The following CHN1 variants were observed in gnomAD, a reference collection of about 807,000 sequenced individuals.
CHN1 encodes N-chimaerin.
A neutral mutation model predicts 59.5 loss-of-function variants in CHN1; 37 were observed. The observed-to-expected ratio is 0.62, with a 90% CI of 0.48 to 0.82. CHN1 has a LOEUF of 0.82. CHN1 is among the 40% of genes least tolerant of loss of function. The probability of loss-of-function intolerance (pLI) is 0.00; values close to 1 mark genes in which losing one functional copy is unlikely to be tolerated. For missense variants in CHN1, 469 were observed against 571.0 expected, an observed-to-expected ratio of 0.82 and a Z score of 1.82; for synonymous variants, 206 against 200.4, an observed-to-expected ratio of 1.03 and a Z score of -0.24.
At chr2:174,948,671 C>T (rs1167296865) in intron 2 of CHN1, among the ~76,000 whole-genome samples, 3 of 152,172 alleles carry the variant, frequency 2.0e-5, no homozygotes, top group Admixed American at 1.3e-4. Context: ...AACACACTAA[C>T]ATGTAGCAAC....
intron 8 of CHN1, among the ~76,000 whole-genome samples, chr2:174,817,684 C>A (rs1685323813): frequency 6.7e-6 from 1 of 149,330 alleles, no homozygotes; most frequent in Non-Finnish European, 1.5e-5. Context: ...GTCGCCCAGG[C>A]TGGAGTGCAG....
intron 1 of CHN1, among the ~76,000 whole-genome samples, chr2:174,979,154 C>A (rs962566211): frequency 6.6e-6 from 1 of 152,128 alleles, no homozygotes; most frequent in African/African-American, 2.4e-5. Flanking sequence ...GTCGAGGCAT[C>A]ATCATTTACT....
chr2:174,885,099 A>G (rs1239435505), intron 5 of CHN1, among the ~76,000 whole-genome samples: 1 of 151,474 alleles, frequency 6.6e-6, no homozygotes, highest in Non-Finnish European at 1.5e-5. Flanking sequence ...CATCCTGGCT[A>G]ACATGGTGAA....
At position 175,005,305 on chromosome 2, in the gene CHN1, C is replaced by G. The variant is rs1692033814; in HGVS notation, c.-393G>C. The G allele has an allele frequency of 8.4e-7, 1 of 1,196,390 alleles. No individual in the cohort carries two copies. The highest frequency in any genetic ancestry group is 1.6e-5 in the African/African-American group (1 of 61,788). The allele number at this position is 1,196,390 out of a possible 1,614,324, so 74.1% of individuals were successfully genotyped here. A position where few individuals can be genotyped will look rare whatever the true frequency, so the allele number is the denominator to read the frequency against. On this transcript the variant is annotated 5_prime_UTR_variant, in exon 1 of 13. Transcript: ENST00000409900. ...GCGACGGGGAGAGCAGCAGCAGCCT[C>G]GCACAGCCCCCGGCGGGGCGCGCTC...
chr2:174,854,582 T>C (rs1236106072), intron 6 of CHN1, among the ~76,000 whole-genome samples: 6 of 152,232 alleles, frequency 3.9e-5, no homozygotes, highest in Non-Finnish European at 8.8e-5. Flanking sequence ...AACTCTGTCA[T>C]TTATTGGCTA....
chr2:174,925,172 T>C (rs1309743260), intron 3 of CHN1, among the ~76,000 whole-genome samples: 1 of 152,094 alleles, frequency 6.6e-6, no homozygotes, highest in Admixed American at 6.6e-5. Flanking sequence ...CCTGAAAAAC[T>C]GAATTCCTAG....
Position 175,004,940 on chromosome 2 carries a change from G to C in CHN1, c.-28C>G. ...TAAAGGCGCTCGCCGCCGCCCGCGA[G>C]TCCAGGCGCTCCTCCCAGGCGGGCT... On this transcript the variant is annotated 5_prime_UTR_variant, in exon 1 of 13. Coordinates refer to ENST00000409900, the MANE Select transcript of CHN1 (RefSeq NM_001822.7). The C allele has an allele frequency of 6.5e-7, 1 of 1,528,508 alleles. No individual in the cohort carries two copies. Among genetic ancestry groups the C allele is most frequent in the South Asian group, 1.2e-5 (1 of 82,180 alleles). The allele number at this position is 1,528,508 out of a possible 1,614,324, so 94.7% of individuals were successfully genotyped here.
chr2:174,857,690 C>A (rs1298777703), intron 6 of CHN1, among the ~76,000 whole-genome samples: 1 of 152,124 alleles, frequency 6.6e-6, no homozygotes, highest in Non-Finnish European at 1.5e-5. Flanking sequence ...TTCCCCCCAA[C>A]CCCCATGAAT....
At chr2:174,949,568 T>C (rs1319889561) in intron 2 of CHN1, among the ~76,000 whole-genome samples, 3 of 152,048 alleles carry the variant, frequency 2.0e-5, no homozygotes, top group Non-Finnish European at 2.9e-5. Context: ...TCCGCCTAAA[T>C]TGGCCAGGCT....
At chr2:174,822,392 T>A (rs559542430) in intron 8 of CHN1, among the ~76,000 whole-genome samples, 1 of 152,206 alleles carries the variant, frequency 6.6e-6, no homozygotes, top group Non-Finnish European at 1.5e-5. Context: ...AACATTTCTT[T>A]CCAACATGAT....
At chr2:174,981,352 AC>A (rs573979817) in intron 1 of CHN1, among the ~76,000 whole-genome samples, 193 of 152,308 alleles carry the variant, frequency 1.3e-3, no homozygotes, top group African/African-American at 4.2e-3. Context: ...GCCACTGAGC[AC>A]CCCAGAAGCT....
At position 174,895,266 on chromosome 2, in the gene CHN1, T is replaced by C. The variant is rs972778135; in HGVS notation, c.261-17138A>G. The stretch of plus-strand genomic sequence containing the variant: ...ATGGAGTATTATTCAGCTTTTAAAA[T>C]GAAGGAAATCCTTTCATATGCTACA... On this transcript the variant is annotated intron_variant, in intron 5 of 12. Transcript: ENST00000409900. Among the ~76,000 whole-genome samples the C allele has an allele frequency of 2.0e-5, 3 of 150,872 alleles. No individual in the cohort carries two copies. In the East Asian group the frequency reaches 5.9e-4, roughly 29 times the overall value.
At chr2:174,897,162 G>T (rs1374225963) in intron 5 of CHN1, among the ~76,000 whole-genome samples, 1 of 152,064 alleles carries the variant, frequency 6.6e-6, no homozygotes, top group Admixed American at 6.5e-5. Context: ...TATTCAAAAT[G>T]GATGTTCCAG....
chr2:174,885,498 A>C (rs918908030), intron 5 of CHN1, among the ~76,000 whole-genome samples: 1 of 151,798 alleles, frequency 6.6e-6, no homozygotes, highest in African/African-American at 2.4e-5. Context: ...AGTGATATAC[A>C]ATTTTTCTTT....
At chr2:174,813,639 T>C (rs1366652956) in intron 8 of CHN1, among the ~76,000 whole-genome samples, 4 of 152,210 alleles carry the variant, frequency 2.6e-5, no homozygotes, top group African/African-American at 9.6e-5. Context: ...GAGTAAACCA[T>C]ACCTAAATAA....
chr2:174,920,560 A>G (rs982710789), intron 3 of CHN1, among the ~76,000 whole-genome samples: 1 of 152,220 alleles, frequency 6.6e-6, no homozygotes, highest in Admixed American at 6.5e-5. Context: ...CTCAAAGCCT[A>G]TCTTTTCAGT....
chr2:174,814,117 G>T (rs1264374478), intron 8 of CHN1, among the ~76,000 whole-genome samples: 2 of 152,178 alleles, frequency 1.3e-5, no homozygotes, highest in African/African-American at 2.4e-5. Context: ...TCTCGGGAAA[G>T]AATTCATATG....
chr2:174,889,724 T>C (rs899771506), intron 5 of CHN1, among the ~76,000 whole-genome samples: 1 of 152,114 alleles, frequency 6.6e-6, no homozygotes, highest in Admixed American at 6.5e-5. Flanking sequence ...CTAAGGGACT[T>C]ATGGGATACT....
At chr2:174,983,735 G>A (rs564693039) in intron 1 of CHN1, among the ~76,000 whole-genome samples, 1 of 152,294 alleles carries the variant, frequency 6.6e-6, no homozygotes, top group East Asian at 1.9e-4. Context: ...GGCTGAAGCA[G>A]GAGAATTAGT....
Sources: gnomAD v4.1 joint callset for allele counts (sites outside exome capture counted in the v4.1 genomes callset) on GRCh38, gnomAD v4.1.1 for gene constraint, MANE v1.5 for transcripts, NCBI Gene and HGNC (gene_info 2026-07-23, HGNC 2026-07-21) for gene names.